ANO6: variants seen among roughly 807,000 people sequenced by gnomAD.
ANO6 encodes the protein anoctamin 6.
A neutral mutation model predicts 117.5 loss-of-function variants in ANO6; 106 were observed. The observed-to-expected ratio is 0.90, with a 90% CI of 0.77 to 1.06. ANO6 has a LOEUF of 1.06. Ranked by LOEUF, ANO6 falls within the 50% of genes least tolerant of loss-of-function variation. The pLI is 0.00. For synonymous variants in ANO6, 367 were observed against 385.1 expected, an observed-to-expected ratio of 0.95 and a Z score of 0.55; for missense variants, 955 against 1,121.1, an observed-to-expected ratio of 0.85 and a Z score of 2.12.
chr12:45,420,990 G>A, intron 17 of ANO6, 81 bp from the exon 18 acceptor site: 1 of 1,476,810 alleles, frequency 6.8e-7, no homozygotes, highest in Non-Finnish European at 9.4e-7. Context: ...GTGCCATGCA[G>A]CCTGGGCAGC....
intron 1 of ANO6, among the ~76,000 whole-genome samples, chr12:45,273,590 A>C (rs1015997748): frequency 2.6e-5 from 4 of 152,136 alleles, no homozygotes; most frequent in Non-Finnish European, 5.9e-5. Context: ...ATAAAACTTG[A>C]TTGCTATTGA....
intron 1 of ANO6, among the ~76,000 whole-genome samples, chr12:45,267,683 C>T (rs539316019): frequency 6.6e-5 from 10 of 152,060 alleles, no homozygotes; most frequent in African/African-American, 9.6e-5. Flanking sequence ...CCCAGCTACT[C>T]GGGAGGCTGA....
chr12:45,367,891 G>A, intron 9 of ANO6, 98 bp downstream of exon 9: 1 of 899,206 alleles, frequency 1.1e-6, no homozygotes, highest in East Asian at 2.6e-5. Flanking sequence ...TTCCTCTGAG[G>A]AATTAAGATA....
intron 1 of ANO6, among the ~76,000 whole-genome samples, chr12:45,219,213 G>A (rs1192120690): frequency 6.6e-6 from 1 of 152,150 alleles, no homozygotes; most frequent in Non-Finnish European, 1.5e-5. Context: ...AACTGGATGG[G>A]GTCCCTGATT....
chr12:45,304,821 C>T (rs1939613187), intron 2 of ANO6, among the ~76,000 whole-genome samples: 1 of 152,184 alleles, frequency 6.6e-6, no homozygotes, highest in Admixed American at 6.5e-5. Flanking sequence ...TCCTTCACAG[C>T]TGAGGTGTCT....
intron 19 of ANO6, among the ~76,000 whole-genome samples, chr12:45,426,443 C>G (rs766705281): frequency 1.3e-5 from 2 of 152,182 alleles, no homozygotes; most frequent in African/African-American, 4.8e-5. Flanking sequence ...TGGCCAGCGC[C>G]GTTGAATGAG....
At chr12:45,350,537 C>A in intron 6 of ANO6, 122 bp from the exon 7 acceptor site, 1 of 786,960 alleles carries the variant, frequency 1.3e-6, no homozygotes, top group South Asian at 1.5e-5. Context: ...TATTTCCACC[C>A]TTTCCAGAAG....
At chr12:45,285,753 A>G (rs1184324558) in intron 1 of ANO6, among the ~76,000 whole-genome samples, 1 of 152,076 alleles carries the variant, frequency 6.6e-6, no homozygotes, top group Non-Finnish European at 1.5e-5. Context: ...AAAAAGAAAA[A>G]AAAAGGCTCC....
chr12:45,219,072 T>C (rs1188311661), intron 1 of ANO6, among the ~76,000 whole-genome samples: 3 of 152,166 alleles, frequency 2.0e-5, no homozygotes, highest in East Asian at 3.9e-4. Context: ...CCCAAAGCTC[T>C]GGGATTACAG....
intron 9 of ANO6, among the ~76,000 whole-genome samples, chr12:45,368,885 T>C (rs77941329): frequency 0.02 from 3,046 of 152,316 alleles, 41 homozygotes; most frequent in Middle Eastern, 0.037. Context: ...CCCTGTGAGA[T>C]AGACAGAACA....
intron 16 of ANO6, among the ~76,000 whole-genome samples, chr12:45,416,449 G>A (rs1238438275): frequency 1.3e-5 from 2 of 152,168 alleles, no homozygotes; most frequent in African/African-American, 4.8e-5. Flanking sequence ...GACTAAAGAT[G>A]TCTAAATATA....
At chr12:45,285,037 CTG>C (rs1161347349) in intron 1 of ANO6, among the ~76,000 whole-genome samples, 1 of 152,208 alleles carries the variant, frequency 6.6e-6, no homozygotes, top group Non-Finnish European at 1.5e-5. Flanking sequence ...GTCAGATAAT[CTG>C]TTTATTTTGT....
intron 16 of ANO6, among the ~76,000 whole-genome samples, chr12:45,415,140 A>T (rs1943183099): frequency 6.6e-6 from 1 of 152,144 alleles, no homozygotes; most frequent in South Asian, 2.1e-4. Flanking sequence ...TTGTGGAAAA[A>T]AAATTTGATA....
chr12:45,439,982 T>C, exon 20 of ANO6: 1 of 1,446,656 alleles, frequency 6.9e-7, no homozygotes, highest in South Asian at 1.6e-5. Flanking sequence ...GTGTCTATTA[T>C]GTGGCCAGCA....
chr12:45,338,788 A>T (rs1940898147), intron 3 of ANO6, among the ~76,000 whole-genome samples: 2 of 152,008 alleles, frequency 1.3e-5, no homozygotes, highest in South Asian at 4.2e-4. Context: ...CTTGCTTCTT[A>T]TTTCCAAAAT....
chr12:45,437,473 TTC>T (rs1943720194), intron 19 of ANO6, among the ~76,000 whole-genome samples: 1 of 152,258 alleles, frequency 6.6e-6, no homozygotes, highest in Admixed American at 6.5e-5. Context: ...TTTTTTAATG[TTC>T]TGTTTTCATT....
intron 1 of ANO6, among the ~76,000 whole-genome samples, chr12:45,263,367 CTT>C (rs72457782): frequency 1.3e-5 from 1 of 79,174 alleles, no homozygotes; most frequent in African/African-American, 5.0e-5. Flanking sequence ...CTGGCCTGGC[CTT>C]TTTTTTTTTT....
intron 1 of ANO6, among the ~76,000 whole-genome samples, chr12:45,232,076 A>C (rs1363468370): frequency 6.6e-6 from 1 of 152,222 alleles, no homozygotes; most frequent in Admixed American, 6.5e-5. Flanking sequence ...TAGAGATTTC[A>C]TTTAGCTTAG....
At chr12:45,325,731 C>A (rs1940437576) in intron 2 of ANO6, among the ~76,000 whole-genome samples, 1 of 152,020 alleles carries the variant, frequency 6.6e-6, no homozygotes, top group Admixed American at 6.6e-5. Flanking sequence ...CTAAGGAAGG[C>A]TAAATTGAGA....
Sources: allele counts gnomAD v4.1 joint callset (sites outside exome capture counted in the v4.1 genomes callset), GRCh38; gene constraint gnomAD v4.1.1; transcripts MANE v1.5; gene names NCBI Gene and HGNC (gene_info 2026-07-23, HGNC 2026-07-21).